The following PTPRT variants were observed in gnomAD, a reference collection of about 807,000 sequenced individuals.
PTPRT encodes protein tyrosine phosphatase receptor type T.
In PTPRT, 56 loss-of-function variants were observed where a neutral mutation model predicts 176.8. The ratio of observed to expected loss-of-function variants is 0.32; its 90% CI spans 0.26 to 0.40. PTPRT has a LOEUF of 0.40. Ranked by LOEUF, PTPRT falls within the 10% of genes least tolerant of loss-of-function variation. The pLI is 1.00. For missense variants in PTPRT, 1,540 were observed against 1,908.2 expected, an observed-to-expected ratio of 0.81 and a Z score of 3.60; for synonymous variants, 783 against 739.0, an observed-to-expected ratio of 1.06 and a Z score of -0.96.
intron 1 of PTPRT, among the ~76,000 whole-genome samples, chr20:42,897,668 C>A (rs1032730870): frequency 2.6e-5 from 4 of 152,158 alleles, no homozygotes; most frequent in African/African-American, 9.7e-5. Flanking sequence ...CAGGGAGACA[C>A]AGAACAAGGT....
chr20:42,737,240 A>G (rs962302785), intron 6 of PTPRT, among the ~76,000 whole-genome samples: 2 of 152,226 alleles, frequency 1.3e-5, no homozygotes, highest in African/African-American at 4.8e-5. Flanking sequence ...AGAAACACAC[A>G]GAGAGAAGAA....
chr20:42,101,045 A>G (rs750553486), intron 26 of PTPRT, among the ~76,000 whole-genome samples: 1 of 152,222 alleles, frequency 6.6e-6, no homozygotes, highest in African/African-American at 2.4e-5. Flanking sequence ...CCCAGGAGAA[A>G]GCATCCCATG....
chr20:42,784,662 G>C (rs533427985), intron 3 of PTPRT, among the ~76,000 whole-genome samples: 23 of 152,138 alleles, frequency 1.5e-4, no homozygotes, highest in Admixed American at 1.5e-3. Flanking sequence ...TCCAGGGAAA[G>C]GGACTGAGTT....
At chr20:42,516,809 T>A (rs1185010724) in intron 7 of PTPRT, among the ~76,000 whole-genome samples, 4 of 152,194 alleles carry the variant, frequency 2.6e-5, no homozygotes, top group Non-Finnish European at 4.4e-5. Flanking sequence ...TTTCTTATTA[T>A]AGAAACATTG....
At chr20:42,048,405 G>T in the PTPRT span, among the ~76,000 whole-genome samples, 3 of 152,326 alleles carry the variant, frequency 2.0e-5, no homozygotes, top group Middle Eastern at 6.8e-3. Context: ...AACAGAGTAG[G>T]ACGGAAGTGA....
At chr20:42,473,914 C>G (rs553079409) in intron 7 of PTPRT, among the ~76,000 whole-genome samples, 1 of 152,300 alleles carries the variant, frequency 6.6e-6, no homozygotes, top group East Asian at 1.9e-4. Context: ...CCCATACCTA[C>G]AGAACTTTGC....
chr20:43,139,304 C>T (rs1329058359), intron 1 of PTPRT, among the ~76,000 whole-genome samples: 2 of 152,152 alleles, frequency 1.3e-5, no homozygotes, highest in Non-Finnish European at 2.9e-5. Context: ...TACATGGAAC[C>T]ATGGGGCTTT....
intron 5 of PTPRT, among the ~76,000 whole-genome samples, chr20:42,758,740 A>C (rs2076873211): frequency 6.6e-6 from 1 of 152,234 alleles, no homozygotes; most frequent in African/African-American, 2.4e-5. Context: ...TGGGGCTGTA[A>C]GAGGAGAATC....
intron 17 of PTPRT, among the ~76,000 whole-genome samples, chr20:42,153,789 C>T (rs1456184308): frequency 6.6e-6 from 1 of 152,174 alleles, no homozygotes; most frequent in Non-Finnish European, 1.5e-5. Flanking sequence ...TCTACACTTG[C>T]AGCCAGCTAC....
intron 1 of PTPRT, among the ~76,000 whole-genome samples, chr20:43,103,383 C>G (rs2012470609): frequency 6.6e-6 from 1 of 152,128 alleles, no homozygotes; most frequent in Non-Finnish European, 1.5e-5. Context: ...TTGATAAAGC[C>G]CCTGGCTGAG....
At chr20:42,058,711 C>T in the PTPRT span, among the ~76,000 whole-genome samples, 1 of 152,164 alleles carries the variant, frequency 6.6e-6, no homozygotes, top group Non-Finnish European at 1.5e-5. Flanking sequence ...AAATCTTTCT[C>T]CAAACGAATG....
At chr20:42,168,161 T>TGAG (rs34120918) in intron 16 of PTPRT, among the ~76,000 whole-genome samples, 8 of 151,106 alleles carry the variant, frequency 5.3e-5, no homozygotes, top group East Asian at 1.9e-4. Flanking sequence ...TTGAGTAGAC[T>TGAG]GAGGAGGAGG....
intron 1 of PTPRT, among the ~76,000 whole-genome samples, chr20:42,984,348 C>T (rs1247535224): frequency 2.0e-5 from 3 of 152,282 alleles, no homozygotes; most frequent in African/African-American, 7.2e-5. Flanking sequence ...CCTGAACATG[C>T]CAGTTAAAAA....
chr20:42,871,586 T>A (rs2078847117), intron 2 of PTPRT, among the ~76,000 whole-genome samples: 2 of 152,222 alleles, frequency 1.3e-5, no homozygotes, highest in South Asian at 4.1e-4. Flanking sequence ...CTACCTACAT[T>A]TTCTTCTAGG....
intron 1 of PTPRT, among the ~76,000 whole-genome samples, chr20:43,002,453 C>T (rs1984630620): frequency 6.6e-6 from 1 of 152,186 alleles, no homozygotes; most frequent in African/African-American, 2.4e-5. Flanking sequence ...CCTTTTCTAA[C>T]ACTCACTAAA....
intron 7 of PTPRT, among the ~76,000 whole-genome samples, chr20:42,594,190 G>A (rs971481947): frequency 6.6e-6 from 1 of 152,160 alleles, no homozygotes; most frequent in African/African-American, 2.4e-5. Flanking sequence ...AGGGGATTAA[G>A]AACAAGGAGT....
intron 7 of PTPRT, among the ~76,000 whole-genome samples, chr20:42,519,510 T>C (rs1475521416): frequency 6.6e-6 from 1 of 152,172 alleles, no homozygotes; most frequent in Non-Finnish European, 1.5e-5. Context: ...TTTAATTTAT[T>C]ATGATGTCTT....
At chr20:42,221,813 C>T (rs539465450) in intron 15 of PTPRT, among the ~76,000 whole-genome samples, 1 of 152,118 alleles carries the variant, frequency 6.6e-6, no homozygotes, top group Non-Finnish European at 1.5e-5. Context: ...GCCACCACAC[C>T]TGGCCAAAAC....
Position 42,102,114 on chromosome 20 carries a change from C to T in PTPRT, c.3714+10G>A, listed in dbSNP as rs777482269. 6.2e-7 allele frequency: 1 copy of T among 1,603,936 alleles called. No individual in the cohort carries two copies. The highest frequency in any genetic ancestry group is 1.3e-5 in the African/African-American group (1 of 74,742). The stretch of plus-strand genomic sequence containing the variant: ...GCCAGCTAGGAGCTTTCTGCCCGGG[C>T]TCGGCTTACATCCATCAGTGCTGCG... On this transcript the variant is annotated intron_variant, in intron 26 of 30. Coordinates refer to ENST00000373187, the MANE Select transcript of PTPRT (RefSeq NM_007050.6).
Sources: gnomAD v4.1 joint callset for allele counts (sites outside exome capture counted in the v4.1 genomes callset) on GRCh38, gnomAD v4.1.1 for gene constraint, MANE v1.5 for transcripts, NCBI Gene and HGNC (gene_info 2026-07-23, HGNC 2026-07-21) for gene names.